ANTXR2: variants seen among roughly 807,000 people sequenced by gnomAD.
ANTXR2 encodes the protein ANTXR cell adhesion molecule 2.
ANTXR2 carries 44 observed loss-of-function variants against 73.7 expected under a neutral mutation model. The observed-to-expected ratio is 0.60, with a 90% CI of 0.47 to 0.77. The LOEUF is 0.77. Ranked by LOEUF, ANTXR2 falls within the 30% of genes least tolerant of loss-of-function variation. The pLI, the probability that ANTXR2 is intolerant of heterozygous loss-of-function variation, is 0.00. For missense variants in ANTXR2, 604 were observed against 592.5 expected (o/e 1.02, Z -0.20); for synonymous variants, 217 against 205.9 (o/e 1.05, Z -0.46).
intron 12 of ANTXR2, among the ~76,000 whole-genome samples, chr4:79,995,595 A>C (rs1374807958): frequency 7.2e-5 from 11 of 152,002 alleles, no homozygotes; most frequent in Admixed American, 7.2e-4. Flanking sequence ...AATGATAAAA[A>C]ATACATATTA....
At chr4:80,042,188 G>A (rs1321536223) in intron 7 of ANTXR2, among the ~76,000 whole-genome samples, 1 of 151,784 alleles carries the variant, frequency 6.6e-6, no homozygotes, top group Non-Finnish European at 1.5e-5. Flanking sequence ...GACAAAAGAG[G>A]CCATACTAGA....
intron 16 of ANTXR2, among the ~76,000 whole-genome samples, chr4:79,953,072 A>C (rs1728764575): frequency 6.6e-6 from 1 of 152,118 alleles, no homozygotes; most frequent in East Asian, 1.9e-4. Flanking sequence ...TGAGGTGTCT[A>C]CCACAGGACC....
At chr4:79,948,061 T>C (rs897348172) in intron 16 of ANTXR2, among the ~76,000 whole-genome samples, 2 of 152,156 alleles carry the variant, frequency 1.3e-5, no homozygotes, top group Admixed American at 6.6e-5. Context: ...AAAAAATATG[T>C]AAGATGGAAT....
intron 10 of ANTXR2, among the ~76,000 whole-genome samples, chr4:80,025,725 G>A (rs1370535183): frequency 6.6e-6 from 1 of 152,122 alleles, no homozygotes; most frequent in Non-Finnish European, 1.5e-5. Flanking sequence ...ACCACTTCTA[G>A]TAATTAGTTT....
At chr4:80,024,216 G>A (rs936723288) in intron 10 of ANTXR2, among the ~76,000 whole-genome samples, 1 of 152,148 alleles carries the variant, frequency 6.6e-6, no homozygotes, top group East Asian at 1.9e-4. Context: ...ACAAGTAGGT[G>A]GGCAGTCTTG....
intron 7 of ANTXR2, among the ~76,000 whole-genome samples, chr4:80,040,415 C>G (rs1257120409): frequency 1.3e-5 from 2 of 152,082 alleles, no homozygotes; most frequent in African/African-American, 4.8e-5. Context: ...AATAATATTA[C>G]TGACTGAACA....
chr4:79,926,905 G>GTGTGCATATATGTGTATATATACACA (rs1560866795), intron 16 of ANTXR2, among the ~76,000 whole-genome samples: 10 of 118,684 alleles, frequency 8.4e-5, no homozygotes, highest in African/African-American at 1.9e-4. Flanking sequence ...ATATACACAT[G>GTGTGCATATATGTGTATATATACACA]TGTGCATATA....
chr4:79,912,372 TAAG>T (rs1420071077), intron 16 of ANTXR2, among the ~76,000 whole-genome samples: 5 of 152,008 alleles, frequency 3.3e-5, no homozygotes, highest in African/African-American at 7.2e-5. Flanking sequence ...GTATAGCATA[TAAG>T]AAGTGCATGT....
chr4:80,031,264 ATGCACACACATGTGTGTGCG>A (rs773560592), intron 10 of ANTXR2, among the ~76,000 whole-genome samples: 18 of 61,394 alleles, frequency 2.9e-4, no homozygotes, highest in Admixed American at 4.9e-4. Flanking sequence ...GGGTGTGTGC[ATGCACACACATGTGTGTGCG>A]TGTGCATGTG....
Position 79,993,760 on chromosome 4 carries a change from G to GCACACACACA in ANTXR2, c.1042-8907_1042-8898dup, listed in dbSNP as rs1553931141. Among the ~76,000 whole-genome samples, 408 of 140,738 alleles carry GCACACACACA rather than the reference G, an allele frequency of 2.9e-3. 3 individuals carry two copies. The highest frequency in any genetic ancestry group is 4.8e-3 in the Admixed American group (68 of 14,172). 92.3% of individuals were successfully genotyped at this position (140,738 alleles called of 152,430 possible). ...GGCAATACACCACACACACACACAC[G>GCACACACACA]CACACACACACACACACACACACAT... On this transcript the variant is annotated intron_variant, in intron 12 of 16. Transcript: ENST00000403729.
intron 3 of ANTXR2, among the ~76,000 whole-genome samples, chr4:80,065,618 T>A (rs1307848725): frequency 1.3e-5 from 2 of 152,208 alleles, no homozygotes; most frequent in Non-Finnish European, 2.9e-5. Context: ...ATGCATAACA[T>A]CATTTTTTGG....
At chr4:79,974,151 T>A (rs1220149451) in intron 16 of ANTXR2, among the ~76,000 whole-genome samples, 1 of 152,194 alleles carries the variant, frequency 6.6e-6, no homozygotes, top group Non-Finnish European at 1.5e-5. Context: ...AACTGTGAAG[T>A]GTCCATCTGT....
chr4:79,910,364 C>T (rs1012494347), intron 16 of ANTXR2, among the ~76,000 whole-genome samples: 3 of 151,834 alleles, frequency 2.0e-5, no homozygotes, highest in Non-Finnish European at 2.9e-5. Context: ...TAAAAATTAG[C>T]TGGGCGTGGT....
At chr4:80,033,682 C>A in intron 8 of ANTXR2, 112 bp from the exon 9 acceptor site, 1 of 743,302 alleles carries the variant, frequency 1.3e-6, no homozygotes. Flanking sequence ...TCATACTATT[C>A]AGTTAACTAA....
rs1726859604 is a variant in ANTXR2, at chr4:79,905,305, A to G, written c.*2124T>C. 1 of 152,216 alleles carries G rather than the reference A, an allele frequency of 6.6e-6. No individual in the cohort carries two copies. The highest frequency in any genetic ancestry group is 6.6e-5 in the Admixed American group (1 of 15,264). The allele number at this position is 152,216 out of a possible 1,614,324, so 9.4% of individuals were successfully genotyped here. On this transcript the variant is annotated 3_prime_UTR_variant, in exon 17 of 17. Coordinates refer to ENST00000403729, the MANE Select transcript of ANTXR2 (RefSeq NM_058172.6). ...TGCACTCATCAGAAATGAAGTGCCC[A>G]TTTAAGGAAGCCACATTAGGTCTTG...
At chr4:79,912,374 A>G (rs1254213701) in intron 16 of ANTXR2, among the ~76,000 whole-genome samples, 1 of 152,006 alleles carries the variant, frequency 6.6e-6, no homozygotes, top group Admixed American at 6.6e-5. Flanking sequence ...ATAGCATATA[A>G]GAAGTGCATG....
Position 79,976,519 on chromosome 4 carries a change from T to G in ANTXR2, c.1428+1102A>C, listed in dbSNP as rs140666033. On this transcript the variant is annotated intron_variant, in intron 16 of 16. Transcript: ENST00000403729. ...TGACAATGACCCGATGACCCGGAAG[T>G]TGTCACACCTTTTCTAGAAATGTCT... Among the ~76,000 whole-genome samples, 695 of 151,600 alleles carry G rather than the reference T, an allele frequency of 4.6e-3. 10 individuals are homozygous for G. Among genetic ancestry groups the G allele is most frequent in the African/African-American group, 0.016 (660 of 40,910 alleles).
rs775251338 is a variant in ANTXR2, at chr4:79,984,851, G to A, written c.1054C>T (p.Pro352Ser). The A allele has an allele frequency of 6.2e-7, 1 of 1,606,390 alleles. No individual in the cohort carries two copies. Among genetic ancestry groups the A allele is most frequent in the Non-Finnish European group, 8.5e-7 (1 of 1,175,800 alleles). ...GGTGCAGGGGCGGGTGGTGGTGGAGGATCCTTAATAACCTGTCAAAAAAAA... is the reference window on the plus strand; with the variant it reads ...GGTGCAGGGGCGGGTGGTGGTGGAGAATCCTTAATAACCTGTCAAAAAAAA... The part of the protein sequence containing the change: ...PLCCKVVIKD[P>S]PPPPAPAPKE... The change falls in exon 13 of 17, where the codon CCT (proline) becomes TCT (serine). Residue 352 changes from proline (P) to serine (S), a missense_variant. Physicochemically the swap from Pro to Ser is moderately conservative, Grantham distance 74. Coordinates refer to ENST00000403729, the MANE Select transcript of ANTXR2 (RefSeq NM_058172.6).
At position 79,915,852 on chromosome 4, in the gene ANTXR2, C is replaced by CTA. The variant is rs1394190065; in HGVS notation, c.1429-8386_1429-8385insTA. 7.7e-3 allele frequency among the ~76,000 whole-genome samples: 895 copies of CTA among 115,552 alleles called. 4 individuals carry two copies. Among genetic ancestry groups the CTA allele is most frequent in the Middle Eastern group, 0.014 (3 of 208 alleles). The allele number at this position is 115,552 out of a possible 152,430, so 75.8% of individuals were successfully genotyped here. On this transcript the variant is annotated intron_variant, in intron 16 of 16. Transcript: ENST00000403729. ...TCCCTCTCTCTCTCTCTCTCTCTCT[C>CTA]TCTCTCTCTCTATATATATATATAT... is the stretch of plus-strand genomic sequence containing the variant.
Sources: allele counts gnomAD v4.1 joint callset (sites outside exome capture counted in the v4.1 genomes callset), GRCh38; gene constraint gnomAD v4.1.1; transcripts MANE v1.5; gene names NCBI Gene and HGNC (gene_info 2026-07-23, HGNC 2026-07-21).